DNAJC5: variants seen among roughly 807,000 people sequenced by gnomAD.
DNAJC5 encodes DnaJ heat shock protein family (Hsp40) member C5, also known as dnaJ homolog subfamily C member 5.
Under a neutral mutation model 23.2 loss-of-function variants are expected in DNAJC5, and 1 was observed. The observed-to-expected ratio is 0.04, with a 90% CI of 0.02 to 0.20. The LOEUF is 0.20. Among genes scored for constraint, DNAJC5 ranks in the 10% least tolerant of loss-of-function variants. The pLI, the probability that DNAJC5 is intolerant of heterozygous loss-of-function variation, is 1.00. For synonymous variants in DNAJC5, 136 were observed against 120.0 expected, an observed-to-expected ratio of 1.13 and a Z score of -0.87; for missense variants, 180 against 267.0, an observed-to-expected ratio of 0.67 and a Z score of 2.27.
At chr20:63,904,699 C>T (rs2053435703) in intron 1 of DNAJC5, among the ~76,000 whole-genome samples, 1 of 152,216 alleles carries the variant, frequency 6.6e-6, no homozygotes, top group Non-Finnish European at 1.5e-5. Context: ...GAACAGCTGG[C>T]TGACTGACAG....
intron 1 of DNAJC5, among the ~76,000 whole-genome samples, chr20:63,917,723 T>A (rs2053524863): frequency 6.6e-6 from 1 of 151,592 alleles, no homozygotes; most frequent in Admixed American, 6.6e-5. Flanking sequence ...ACCGAGGTAA[T>A]TTTTGTATTT....
rs148120785 is a variant in DNAJC5, at chr20:63,932,052, C to A, written c.*484C>A. On this transcript the variant is annotated 3_prime_UTR_variant, in exon 5 of 5. Coordinates refer to ENST00000360864, the MANE Select transcript of DNAJC5 (RefSeq NM_025219.3). The surrounding 1 kb of genome is among the most constrained non-coding windows in gnomAD (Gnocchi z 4.4). ...GGGTCTGGTCCACACTCTGTGCTCC[C>A]AGCCTTGAGGCTGCAGTAGGACTCT... 1.5e-4 allele frequency: 38 copies of A among 255,850 alleles called. No individual in the cohort carries two copies. Among genetic ancestry groups the A allele is most frequent in the African/African-American group, 8.5e-4 (38 of 44,900 alleles). The allele number at this position is 255,850 out of a possible 1,614,324, so 15.8% of individuals were successfully genotyped here.
intron 1 of DNAJC5, among the ~76,000 whole-genome samples, chr20:63,925,890 C>T (rs890753910): frequency 4.9e-5 from 7 of 142,454 alleles, no homozygotes; most frequent in Admixed American, 7.3e-5. Flanking sequence ...TGCAGTGGTG[C>T]GATCTCTGCT....
chr20:63,902,879 G>A (rs537298448), intron 1 of DNAJC5, among the ~76,000 whole-genome samples: 3 of 150,640 alleles, frequency 2.0e-5, no homozygotes, highest in South Asian at 2.1e-4. Context: ...GGATTTCATC[G>A]TGTTAGCCAG....
chr20:63,914,715 A>T (rs1186820700), intron 1 of DNAJC5, among the ~76,000 whole-genome samples: 1 of 150,038 alleles, frequency 6.7e-6, no homozygotes, highest in Non-Finnish European at 1.5e-5. Context: ...TCCCTAGTTC[A>T]AACGATTCTT....
intron 1 of DNAJC5, among the ~76,000 whole-genome samples, chr20:63,901,195 A>G (rs896387598): frequency 2.6e-5 from 4 of 152,064 alleles, no homozygotes; most frequent in Non-Finnish European, 5.9e-5. Context: ...AAACTCCTGA[A>G]CTCAAGTAAT....
intron 1 of DNAJC5, among the ~76,000 whole-genome samples, chr20:63,917,968 C>A (rs1385844371): frequency 6.6e-6 from 1 of 152,220 alleles, no homozygotes; most frequent in Admixed American, 6.5e-5. Flanking sequence ...CTCCTCCTGC[C>A]AGTGTCTGTG....
In DNAJC5 at chr20:63,935,453, C is replaced by T. The variant is rs1006062790; in HGVS notation, c.*3885C>T. On this transcript the variant is annotated 3_prime_UTR_variant, in exon 5 of 5. Coordinates refer to ENST00000360864, the MANE Select transcript of DNAJC5 (RefSeq NM_025219.3). ...CTGCTCTGCAGGGTGGGGTGCCCAT[C>T]CTGGGGGCTGTGTGTCATGCTCACC... is the stretch of plus-strand genomic sequence containing the variant. The T allele has an allele frequency of 2.0e-5, 3 of 152,362 alleles. No individual in the cohort carries two copies. The highest frequency in any genetic ancestry group is 7.2e-5 in the African/African-American group (3 of 41,466). 9.4% of individuals were successfully genotyped at this position (152,362 alleles called of 1,614,324 possible).
rs777130136 is a variant in DNAJC5, at chr20:63,932,941, T to C, written c.*1373T>C. ...TAGACCTTGTGGGTGGCGCCCTGCATAGGGGAGCAGGGGGAACGGGTCTGA... is the reference window on the plus strand; with the variant it reads ...TAGACCTTGTGGGTGGCGCCCTGCACAGGGGAGCAGGGGGAACGGGTCTGA... On this transcript the variant is annotated 3_prime_UTR_variant, in exon 5 of 5. Transcript: ENST00000360864. The surrounding 1 kb of genome is among the most constrained non-coding windows in gnomAD (Gnocchi z 4.4). The C allele has an allele frequency of 6.6e-6, 1 of 152,368 alleles. No individual in the cohort carries two copies. The highest frequency in any genetic ancestry group is 1.5e-5 in the Non-Finnish European group (1 of 68,114). 9.4% of individuals were successfully genotyped at this position (152,368 alleles called of 1,614,324 possible). A position where few individuals can be genotyped will look rare whatever the true frequency, so the allele number is the denominator to read the frequency against.
In DNAJC5 at chr20:63,931,592, G is replaced by A; in HGVS notation, c.*24G>A. 1 of 1,539,676 alleles carries A rather than the reference G, an allele frequency of 6.5e-7. No individual in the cohort carries two copies. ...AAATCCAGGAGGAGCTGTGGTCAGA[G>A]GAGGAGCCGGCGCCTGGCCACGCCA... On this transcript the variant is annotated 3_prime_UTR_variant, in exon 5 of 5. Coordinates refer to ENST00000360864, the MANE Select transcript of DNAJC5 (RefSeq NM_025219.3). The surrounding 1 kb of genome is among the most constrained non-coding windows in gnomAD (Gnocchi z 9.6).
Position 63,899,605 on chromosome 20 carries a change from G to T in DNAJC5, c.-12+4282G>T, listed in dbSNP as rs564199615. Among the ~76,000 whole-genome samples, 93 of 152,220 alleles carry T rather than the reference G, an allele frequency of 6.1e-4. 2 individuals carry two copies. The highest frequency in any genetic ancestry group is 1.0e-3 in the African/African-American group (42 of 41,550). On this transcript the variant is annotated intron_variant, in intron 1 of 4. Coordinates refer to ENST00000360864, the MANE Select transcript of DNAJC5 (RefSeq NM_025219.3). Reference sequence around the variant, plus strand: ...TCATTTTCTTTTGTTTTTTTGAGACGGAGTCTCATTCTCTCACCCAGGCTG... The same window carrying T: ...TCATTTTCTTTTGTTTTTTTGAGACTGAGTCTCATTCTCTCACCCAGGCTG...
At chr20:63,915,881 A>G (rs986270820) in intron 1 of DNAJC5, among the ~76,000 whole-genome samples, 1 of 152,256 alleles carries the variant, frequency 6.6e-6, no homozygotes, top group Non-Finnish European at 1.5e-5. Flanking sequence ...AAACTACAAC[A>G]AAAGTGACTA....
chr20:63,928,510 GT>G lies in DNAJC5; in HGVS notation c.107+61del. The G allele has an allele frequency of 2.1e-6, 3 of 1,417,712 alleles. No homozygotes were observed. Among genetic ancestry groups the G allele is most frequent in the East Asian group, 2.3e-5 (1 of 43,926 alleles). The allele number at this position is 1,417,712 out of a possible 1,614,324, so 87.8% of individuals were successfully genotyped here. The stretch of plus-strand genomic sequence containing the variant: ...CAGGAAGACACACATGCCCCGTGTG[GT>G]TTAGTCTGCATTTTACCAAGAACCA... On this transcript the variant is annotated intron_variant, in intron 2 of 4. Transcript: ENST00000360864. The surrounding 1 kb of genome is among the most constrained non-coding windows in gnomAD (Gnocchi z 4.6).
At chr20:63,921,719 G>A (rs1278573944) in intron 1 of DNAJC5, among the ~76,000 whole-genome samples, 2 of 152,182 alleles carry the variant, frequency 1.3e-5, no homozygotes, top group African/African-American at 4.8e-5. Flanking sequence ...TGTAGCTGCG[G>A]CTGCACACCA....
intron 1 of DNAJC5, among the ~76,000 whole-genome samples, chr20:63,926,399 A>G (rs1028994932): frequency 6.6e-6 from 1 of 152,080 alleles, no homozygotes; most frequent in Non-Finnish European, 1.5e-5. Flanking sequence ...TCTGTTCCTT[A>G]TGATTTCCTT....
intron 1 of DNAJC5, among the ~76,000 whole-genome samples, chr20:63,901,197 T>C (rs1485235012): frequency 6.6e-6 from 1 of 152,212 alleles, no homozygotes; most frequent in Non-Finnish European, 1.5e-5. Context: ...ACTCCTGAAC[T>C]CAAGTAATCA....
At chr20:63,915,362 CTG>C (rs1407604064) in intron 1 of DNAJC5, among the ~76,000 whole-genome samples, 1 of 150,954 alleles carries the variant, frequency 6.6e-6, no homozygotes, top group Non-Finnish European at 1.5e-5. Flanking sequence ...GTAGTGAACA[CTG>C]GGGCATTTAA....
At chr20:63,911,866 G>A (rs1387831816) in intron 1 of DNAJC5, among the ~76,000 whole-genome samples, 3 of 151,648 alleles carry the variant, frequency 2.0e-5, no homozygotes, top group African/African-American at 7.3e-5. Context: ...TTTTAATAGA[G>A]ATGGGGTTTC....
rs1386531088 is a variant in DNAJC5 at position 63,919,062 on chromosome 20, C to T, written c.-11-9273C>T. Among the ~76,000 whole-genome samples, 4 of 152,298 alleles carry T rather than the reference C, an allele frequency of 2.6e-5. No individual in the cohort carries two copies. The South Asian group carries it at 6.2e-4, about 24-fold the overall frequency. On this transcript the variant is annotated intron_variant, in intron 1 of 4. Transcript: ENST00000360864. The stretch of plus-strand genomic sequence containing the variant: ...GTTCAGCAGCAGCTCTTTTATAAAA[C>T]GTTTGCTGCACACACTGAGATTGCA...
Sources: gnomAD v4.1 joint callset for allele counts (sites outside exome capture counted in the v4.1 genomes callset) on GRCh38, gnomAD v4.1.1 for gene constraint, Gnocchi (gnomAD v3.1) non-coding constraint, MANE v1.5 for transcripts, NCBI Gene and HGNC (gene_info 2026-07-23, HGNC 2026-07-21) for gene names.